The following RMDN1 variants were observed in gnomAD, a reference collection of about 807,000 sequenced individuals.
RMDN1 encodes regulator of microtubule dynamics 1.
In RMDN1, 48 loss-of-function variants were observed where a neutral mutation model predicts 48.9. The ratio of observed to expected loss-of-function variants is 0.98; its 90% CI spans 0.78 to 1.25. The LOEUF is 1.25. Among genes scored for constraint, RMDN1 ranks in the 50% most tolerant of loss-of-function variants. The probability of loss-of-function intolerance (pLI) is 0.00; values close to 1 mark genes in which losing one functional copy is unlikely to be tolerated. For synonymous variants in RMDN1, 148 were observed against 132.6 expected (o/e 1.12, Z -0.80); for missense variants, 418 against 373.4 (o/e 1.12, Z -0.98).
Position 86,504,278 on chromosome 8 carries a change from C to G in RMDN1, c.247+2717G>C, listed in dbSNP as rs1000299350. 35 of 1,573,810 alleles carry G rather than the reference C, an allele frequency of 2.2e-5. No individual in the cohort carries two copies. In the African/African-American group the frequency reaches 4.1e-4, roughly 18 times the overall value. ...TAGATCCTCCAGCAGTTGTGGGGCA[C>G]CCAGGATGTATCCCAAGACAACCAG... On this transcript the variant is annotated intron_variant, in intron 2 of 9. Coordinates refer to ENST00000406452, the MANE Select transcript of RMDN1 (RefSeq NM_016033.3).
At chr8:86,476,753 T>C (rs1233502269) in intron 8 of RMDN1, among the ~76,000 whole-genome samples, 4 of 152,190 alleles carry the variant, frequency 2.6e-5, no homozygotes, top group Non-Finnish European at 5.9e-5. Flanking sequence ...TGTAGTGCAG[T>C]GGTGCAATCA....
rs760107705 is a variant in RMDN1 at position 86,486,478 on chromosome 8, A to G, written c.495+6T>C. On this transcript the variant is annotated splice_donor_region_variant and intron_variant, in intron 4 of 9. Transcript: ENST00000406452. ...ACATGGTTAATAGCTTAGTTAAGCAACTCACCTTATGAGATGCAAAACTTG... is the reference window on the plus strand; with the variant it reads ...ACATGGTTAATAGCTTAGTTAAGCAGCTCACCTTATGAGATGCAAAACTTG... 3.7e-5 allele frequency: 58 copies of G among 1,580,166 alleles called. 2 individuals carry two copies. The South Asian group carries it at 6.6e-4, about 18-fold the overall frequency.
downstream of RMDN1, chr8:86,470,430 A>C: frequency 7.9e-7 from 1 of 1,269,154 alleles, no homozygotes; most frequent in Non-Finnish European, 1.0e-6. Flanking sequence ...CAAATGGAAG[A>C]GACTTAGTGC....
In RMDN1 at chr8:86,503,385, A is replaced by AAAAAAAAAAAAAAC. The variant is rs1554594088; in HGVS notation, c.247+3609_247+3610insGTTTTTTTTTTTTT. On this transcript the variant is annotated intron_variant, in intron 2 of 9. Transcript: ENST00000406452. ...ACAAAACAAAACAAAAAAAAAAAAA[A>AAAAAAAAAAAAAAC]AAAACAAAAAAAAATAACAAAAATA... Among the ~76,000 whole-genome samples, 34 of 80,964 alleles carry AAAAAAAAAAAAAAC rather than the reference A, an allele frequency of 4.2e-4. 1 individual carries two copies. Among genetic ancestry groups the AAAAAAAAAAAAAAC allele is most frequent in the African/African-American group, 2.1e-3 (30 of 14,540 alleles). The allele number at this position is 80,964 out of a possible 152,430, so 53.1% of individuals were successfully genotyped here.
Position 86,488,657 on chromosome 8 carries a change from G to T in RMDN1, c.248-18C>A. ...TTCTTCAACTTCAAAGATTATAAAG[G>T]AAAAAAGACACAATAAAATAGGTCT... On this transcript the variant is annotated intron_variant, in intron 2 of 9. Coordinates refer to ENST00000406452, the MANE Select transcript of RMDN1 (RefSeq NM_016033.3). The T allele has an allele frequency of 1.3e-6, 2 of 1,560,938 alleles. No homozygotes were observed. The highest frequency in any genetic ancestry group is 8.8e-7 in the Non-Finnish European group (1 of 1,140,060).
In RMDN1 at chr8:86,504,815, C is replaced by T; in HGVS notation, c.247+2180G>A. The T allele has an allele frequency of 4.8e-6, 5 of 1,046,660 alleles. No homozygotes were observed. In the South Asian group the frequency reaches 6.3e-5, roughly 13 times the overall value. The allele number at this position is 1,046,660 out of a possible 1,614,324, so 64.8% of individuals were successfully genotyped here. A position where few individuals can be genotyped will look rare whatever the true frequency, so the allele number is the denominator to read the frequency against. ...CCGGCTGCTCCAACTATACCTCCAA[C>T]TTCTTAGTCGGACTGCTCTTCCCCT... On this transcript the variant is annotated intron_variant, in intron 2 of 9. Coordinates refer to ENST00000406452, the MANE Select transcript of RMDN1 (RefSeq NM_016033.3).
At chr8:86,494,871 G>C (rs1410613778) in intron 2 of RMDN1, 1 of 381,680 alleles carries the variant, frequency 2.6e-6, no homozygotes, top group African/African-American at 2.1e-5. Flanking sequence ...CTACTTGGGA[G>C]GCTGAGGTGG....
intron 9 of RMDN1, 80 bp downstream of exon 9, chr8:86,474,740 A>T: frequency 1.3e-5 from 17 of 1,271,156 alleles, no homozygotes; most frequent in Non-Finnish European, 1.9e-5. Flanking sequence ...TTAGAAAATT[A>T]TGCTTTTAAA....
intron 2 of RMDN1, among the ~76,000 whole-genome samples, chr8:86,491,738 CATA>C (rs1816537100): frequency 6.6e-6 from 1 of 152,134 alleles, no homozygotes; most frequent in African/African-American, 2.4e-5. Context: ...TGTGCAAGAT[CATA>C]ATAATTAGAA....
Position 86,484,952 on chromosome 8 carries a change from T to C in RMDN1, c.505A>G (p.Ile169Val), listed in dbSNP as rs139590482. 4.1e-5 allele frequency: 65 copies of C among 1,585,246 alleles called. 1 individual carries two copies. Among genetic ancestry groups the C allele is most frequent in the African/African-American group, 1.2e-4 (9 of 74,200 alleles). The change falls in exon 5 of 10, where the codon ATC becomes GTC. Residue 169 changes from isoleucine (I) to valine (V), a missense_variant. Coordinates refer to ENST00000406452, the MANE Select transcript of RMDN1 (RefSeq NM_016033.3). ...SSFASHKWYA[I>V]CLSDVGDYEG... Reference sequence around the variant, plus strand: ...TAATCTCCAACATCACTAAGGCAGATTGCATACCACTGAAAATTTAAAAAA... The same window carrying C: ...TAATCTCCAACATCACTAAGGCAGACTGCATACCACTGAAAATTTAAAAAA...
At chr8:86,495,023 A>G (rs897465031) in intron 2 of RMDN1, 1 of 341,078 alleles carries the variant, frequency 2.9e-6, no homozygotes, top group Admixed American at 4.0e-5. Flanking sequence ...TCCTCAAGAC[A>G]CTTTTGAAAA....
intron 2 of RMDN1, chr8:86,504,210 CAGGT>C: frequency 1.3e-6 from 2 of 1,550,054 alleles, no homozygotes; most frequent in Non-Finnish European, 1.8e-6. Flanking sequence ...CTGAAAGTCC[CAGGT>C]TTTTGCTCAT....
downstream of RMDN1, chr8:86,470,440 C>A: frequency 8.0e-7 from 1 of 1,253,844 alleles, no homozygotes; most frequent in Non-Finnish European, 1.0e-6. Context: ...AGACTTAGTG[C>A]ACAGAATCAG....
chr8:86,486,380 C>A, intron 4 of RMDN1, 104 bp downstream of exon 4: 2 of 796,516 alleles, frequency 2.5e-6, no homozygotes, highest in South Asian at 5.3e-5. Context: ...GAAAAAAAAA[C>A]TTAAAATAGA....
chr8:86,489,823 C>G (rs1320162001), intron 2 of RMDN1, among the ~76,000 whole-genome samples: 1 of 135,232 alleles, frequency 7.4e-6, no homozygotes, highest in Non-Finnish European at 1.5e-5. Flanking sequence ...CAGCAAGACT[C>G]TGTCTCAAAA....
intron 2 of RMDN1, among the ~76,000 whole-genome samples, chr8:86,503,366 C>CAAAAAAAAAAAAAAAAAA (rs1354324383): frequency 6.0e-4 from 42 of 70,408 alleles, no homozygotes; most frequent in Non-Finnish European, 1.2e-3. Flanking sequence ...CAAAACAAAA[C>CAAAAAAAAAAAAAAAAAA]AAAACAAAAA....
rs374280681 is a variant in RMDN1 at position 86,474,335 on chromosome 8, C to T, written c.918G>A (p.Leu306=). The change falls in exon 10 of 10, where the codon TTG becomes TTA. Residue 306 remains leucine, a synonymous_variant. Transcript: ENST00000406452. ...DKQIQTEAAQ[L]LTSFSEKN is the part of the protein sequence containing the mutation. Reference sequence around the variant, plus strand: ...AATTCTTCTCACTGAAACTTGTAAGCAACTGAGCAGCTTCTGTCTGTATCT... The same window carrying T: ...AATTCTTCTCACTGAAACTTGTAAGTAACTGAGCAGCTTCTGTCTGTATCT... The T allele has an allele frequency of 6.2e-7, 1 of 1,613,426 alleles. No individual in the cohort carries two copies. The highest frequency in any genetic ancestry group is 8.5e-7 in the Non-Finnish European group (1 of 1,179,514).
At chr8:86,506,893 T>C in intron 2 of RMDN1, 102 bp downstream of exon 2, 1 of 654,894 alleles carries the variant, frequency 1.5e-6, no homozygotes, top group Non-Finnish European at 2.7e-6. Flanking sequence ...ATATGGATTT[T>C]CTATTATTAA....
rs147245580 is a variant in RMDN1 at position 86,473,806 on chromosome 8, CCTTA to C, written c.*498_*501del. 25,783 of 982,892 alleles carry C rather than the reference CCTTA, an allele frequency of 0.026. 388 individuals carry two copies. The highest frequency in any genetic ancestry group is 0.029 in the Non-Finnish European group (23,819 of 827,606). The allele number at this position is 982,892 out of a possible 1,614,324, so 60.9% of individuals were successfully genotyped here. On this transcript the variant is annotated 3_prime_UTR_variant, in exon 10 of 10. Transcript: ENST00000406452. The stretch of plus-strand genomic sequence containing the variant: ...GAAACTACTCCATTTTTAGTCATCT[CCTTA>C]CTTAGTTCTTTACTTACACAGGTTA...
Sources: gnomAD v4.1 joint callset for allele counts (sites outside exome capture counted in the v4.1 genomes callset) on GRCh38, gnomAD v4.1.1 for gene constraint, MANE v1.5 for transcripts, NCBI Gene and HGNC (gene_info 2026-07-23, HGNC 2026-07-21) for gene names.